The following UNC13C variants were observed in gnomAD, a reference collection of about 807,000 sequenced individuals.
UNC13C encodes unc-13 homolog C, also known as protein unc-13 homolog C.
A neutral mutation model predicts 245.4 loss-of-function variants in UNC13C; 174 were observed. That is an observed-to-expected ratio of 0.71 (90% CI 0.63 to 0.80). The LOEUF (loss-of-function observed/expected upper bound fraction) is 0.80. Among genes scored for constraint, UNC13C ranks in the 30% least tolerant of loss-of-function variants. UNC13C has a pLI of 0.00. For missense variants in UNC13C, 2,829 were observed against 2,602.9 expected (o/e 1.09, Z -1.89); for synonymous variants, 992 against 895.1 (o/e 1.11, Z -1.93).
intron 17 of UNC13C, among the ~76,000 whole-genome samples, chr15:54,366,590 TA>T (rs762985984): frequency 5.3e-5 from 8 of 152,166 alleles, no homozygotes; most frequent in Middle Eastern, 3.2e-3. Flanking sequence ...AAATGGTAAA[TA>T]TTATCTATTA....
chr15:54,198,570 C>G (rs928829347), intron 4 of UNC13C, among the ~76,000 whole-genome samples: 4 of 152,156 alleles, frequency 2.6e-5, no homozygotes, highest in African/African-American at 9.6e-5. Flanking sequence ...CAACCCAGAG[C>G]CTGGCAGCTC....
rs199761885 is a variant in UNC13C, at chr15:54,480,828, C to CA, written c.4934-13779dup. Reference sequence around the variant, plus strand: ...TTTACTATCTGCACACCTGGTGTAACAGTCACTTTTTCTAATTTTATCAAT... The same window carrying CA: ...TTTACTATCTGCACACCTGGTGTAACAAGTCACTTTTTCTAATTTTATCAAT... On this transcript the variant is annotated intron_variant, in intron 19 of 32. Coordinates refer to ENST00000260323, the MANE Select transcript of UNC13C (RefSeq NM_001080534.3). 5.1e-3 allele frequency among the ~76,000 whole-genome samples: 770 copies of CA among 152,208 alleles called. 6 individuals carry two copies. Among genetic ancestry groups the CA allele is most frequent in the African/African-American group, 0.017 (720 of 41,524 alleles).
At chr15:54,273,200 T>G (rs2036733964) in intron 10 of UNC13C, among the ~76,000 whole-genome samples, 1 of 152,312 alleles carries the variant, frequency 6.6e-6, no homozygotes, top group East Asian at 1.9e-4. Flanking sequence ...CAGAAAGTCC[T>G]TGCAGAAACC....
chr15:54,515,772 C>T (rs530445289), intron 24 of UNC13C, among the ~76,000 whole-genome samples: 2 of 152,232 alleles, frequency 1.3e-5, no homozygotes, highest in East Asian at 1.9e-4. Flanking sequence ...AAGGAGGGTT[C>T]GTTTGTTCAG....
intron 2 of UNC13C, among the ~76,000 whole-genome samples, chr15:54,128,128 G>T (rs1205950372): frequency 6.6e-6 from 1 of 152,090 alleles, no homozygotes; most frequent in Non-Finnish European, 1.5e-5. Flanking sequence ...ACAAGGTCCA[G>T]GTTGAGAGTG....
intron 19 of UNC13C, among the ~76,000 whole-genome samples, chr15:54,420,893 C>T (rs979654759): frequency 6.6e-6 from 1 of 152,026 alleles, no homozygotes; most frequent in Non-Finnish European, 1.5e-5. Flanking sequence ...CAGACACTTT[C>T]AGGAAAGGCA....
chr15:54,465,575 G>T (rs989067969), intron 19 of UNC13C, among the ~76,000 whole-genome samples: 1 of 151,998 alleles, frequency 6.6e-6, no homozygotes, highest in African/African-American at 2.4e-5. Context: ...CTACATTTAA[G>T]TAAAATGATG....
In UNC13C at chr15:54,005,373, G is replaced by C. The variant is rs367565059; in HGVS notation, c.-256-7275G>C. Among the ~76,000 whole-genome samples the C allele has an allele frequency of 5.9e-5, 9 of 152,066 alleles. No homozygotes were observed. The East Asian group carries it at 1.4e-3, about 23-fold the overall frequency. ...GTTTATGAGAAAGGGCTCTAAAACC[G>C]GTCACGTTGGTTGCAATGCTGGCTG... is the stretch of plus-strand genomic sequence containing the variant. On this transcript the variant is annotated intron_variant, in intron 1 of 32. Coordinates refer to ENST00000260323, the MANE Select transcript of UNC13C (RefSeq NM_001080534.3).
At chr15:54,273,125 C>A (rs1451252395) in intron 10 of UNC13C, among the ~76,000 whole-genome samples, 1 of 152,046 alleles carries the variant, frequency 6.6e-6, no homozygotes, top group Non-Finnish European at 1.5e-5. Flanking sequence ...GGAAAGAGAA[C>A]CCTCTACAAT....
intron 2 of UNC13C, among the ~76,000 whole-genome samples, chr15:54,031,143 GA>G (rs1896341151): frequency 6.6e-6 from 1 of 152,092 alleles, no homozygotes; most frequent in African/African-American, 2.4e-5. Flanking sequence ...ATTTTCAGTT[GA>G]TAAGCTGCAT....
At chr15:54,597,840 A>G (rs1171098901) in intron 30 of UNC13C, among the ~76,000 whole-genome samples, 1 of 152,164 alleles carries the variant, frequency 6.6e-6, no homozygotes, top group Non-Finnish European at 1.5e-5. Context: ...AATAATATAA[A>G]CAATTTTCCA....
intron 25 of UNC13C, among the ~76,000 whole-genome samples, chr15:54,532,549 C>T (rs1895797440): frequency 6.6e-6 from 1 of 152,054 alleles, no homozygotes; most frequent in African/African-American, 2.4e-5. Context: ...GAGTTGGAGG[C>T]CGTTATCATT....
At chr15:53,844,791 T>C in the UNC13C span, among the ~76,000 whole-genome samples, 1 of 152,100 alleles carries the variant, frequency 6.6e-6, no homozygotes. Flanking sequence ...AGCATTAAGC[T>C]TTTTCAAGCA....
chr15:54,026,860 T>C (rs2115827), intron 2 of UNC13C, among the ~76,000 whole-genome samples: 67,200 of 152,062 alleles, frequency 0.44, 15,487 homozygotes, highest in Non-Finnish European at 0.52. Flanking sequence ...GTCTGGGATA[T>C]AGCAGTGACA....
the UNC13C span, among the ~76,000 whole-genome samples, chr15:53,942,219 C>T: frequency 1.3e-5 from 2 of 151,926 alleles, no homozygotes; most frequent in Admixed American, 6.6e-5. Flanking sequence ...ATACTATGCA[C>T]CCATAAAAAG....
At chr15:54,046,291 A>G (rs554887349) in intron 2 of UNC13C, among the ~76,000 whole-genome samples, 159 of 152,244 alleles carry the variant, frequency 1.0e-3, no homozygotes, top group Middle Eastern at 3.4e-3. Flanking sequence ...CAGTGTATGA[A>G]TAGGCTTGTT....
intron 29 of UNC13C, among the ~76,000 whole-genome samples, chr15:54,559,724 A>C (rs937650568): frequency 5.9e-5 from 9 of 151,998 alleles, no homozygotes; most frequent in Admixed American, 5.9e-4. Flanking sequence ...GAGGATAAAG[A>C]GGGAAAAAAC....
intron 17 of UNC13C, among the ~76,000 whole-genome samples, chr15:54,391,048 G>T (rs944545829): frequency 6.6e-6 from 1 of 152,048 alleles, no homozygotes; most frequent in East Asian, 1.9e-4. Context: ...TACAATTTGC[G>T]ACAGGTAAGG....
At chr15:54,448,260 G>A (rs1213290514) in intron 19 of UNC13C, among the ~76,000 whole-genome samples, 2 of 152,296 alleles carry the variant, frequency 1.3e-5, no homozygotes, top group South Asian at 4.1e-4. Context: ...GTTGATTTGG[G>A]GTGGAGAGTT....
Sources: gnomAD v4.1 joint callset for allele counts (sites outside exome capture counted in the v4.1 genomes callset) on GRCh38, gnomAD v4.1.1 for gene constraint, MANE v1.5 for transcripts, NCBI Gene and HGNC (gene_info 2026-07-23, HGNC 2026-07-21) for gene names.